Variants in DUSP10 observed in about 807,000 individuals in gnomAD.
The protein encoded by DUSP10 is dual specificity phosphatase 10.
Under a neutral mutation model 30.8 loss-of-function variants are expected in DUSP10, and 14 were observed. The observed-to-expected ratio is 0.46, with a 90% CI of 0.30 to 0.71. DUSP10 has a LOEUF of 0.71. DUSP10 is among the 30% of genes least tolerant of loss of function. The probability of loss-of-function intolerance (pLI) is 0.08; values close to 1 mark genes in which losing one functional copy is unlikely to be tolerated. For synonymous variants in DUSP10, 254 were observed against 250.4 expected (o/e 1.01, Z -0.14); for missense variants, 550 against 619.4 (o/e 0.89, Z 1.19).
chr1:221,712,169 G>A (rs1365854185), intron 2 of DUSP10, among the ~76,000 whole-genome samples: 2 of 152,058 alleles, frequency 1.3e-5, no homozygotes, highest in Non-Finnish European at 2.9e-5. Context: ...GTATTTTCAA[G>A]TTCAAGATGA....
intron 2 of DUSP10, chr1:221,737,171 T>A (rs1471923375): frequency 1.0e-6 from 1 of 985,292 alleles, no homozygotes; most frequent in Non-Finnish European, 1.2e-6. Context: ...CTTGTAATCA[T>A]CCCCATGATT....
At chr1:221,741,023 C>A (rs1012379569) in intron 1 of DUSP10, among the ~76,000 whole-genome samples, 1 of 152,078 alleles carries the variant, frequency 6.6e-6, no homozygotes, top group African/African-American at 2.4e-5. Flanking sequence ...TACACACGAC[C>A]GTCACCATTC....
intron 2 of DUSP10, among the ~76,000 whole-genome samples, chr1:221,732,549 G>A (rs1661646015): frequency 6.6e-6 from 1 of 152,164 alleles, no homozygotes; most frequent in Non-Finnish European, 1.5e-5. Flanking sequence ...AGATTCTGTT[G>A]TTATTAAATA....
At chr1:221,733,281 G>A (rs1033859641) in intron 2 of DUSP10, among the ~76,000 whole-genome samples, 1 of 152,236 alleles carries the variant, frequency 6.6e-6, no homozygotes, top group African/African-American at 2.4e-5. Context: ...GTAGAAAAGT[G>A]TACATATTCA....
chr1:221,703,218 T>C (rs1251499300), intron 3 of DUSP10, among the ~76,000 whole-genome samples: 1 of 149,394 alleles, frequency 6.7e-6, no homozygotes, highest in Non-Finnish European at 1.5e-5. Flanking sequence ...TGTGTGTGTG[T>C]GTATATATAT....
At chr1:221,718,078 T>A (rs1052707903) in intron 2 of DUSP10, among the ~76,000 whole-genome samples, 1 of 118,372 alleles carries the variant, frequency 8.4e-6, no homozygotes, top group South Asian at 2.9e-4. Context: ...CCAAAAATGG[T>A]CCAAGGTCAG....
intron 2 of DUSP10, among the ~76,000 whole-genome samples, chr1:221,719,441 C>T (rs984858541): frequency 5.9e-5 from 9 of 151,982 alleles, no homozygotes; most frequent in Non-Finnish European, 1.3e-4. Flanking sequence ...GGTCTCCATG[C>T]ACTAAGAGAC....
chr1:221,732,017 A>G (rs1248313796), intron 2 of DUSP10, among the ~76,000 whole-genome samples: 2 of 152,368 alleles, frequency 1.3e-5, no homozygotes, highest in African/African-American at 2.4e-5. Context: ...GTGGCAGAAG[A>G]AGATGAAGAA....
Position 221,713,726 on chromosome 1 carries a change from T to C in DUSP10, c.812-7260A>G, listed in dbSNP as rs75457469. Among the ~76,000 whole-genome samples, 601 of 152,324 alleles carry C rather than the reference T, an allele frequency of 3.9e-3. 13 individuals are homozygous for C. In the East Asian group the frequency reaches 0.057, roughly 14 times the overall value. On this transcript the variant is annotated intron_variant, in intron 2 of 3. Transcript: ENST00000366899. ...TGTATATCCAGATTAAGAGCTTTAA[T>C]AGAATTTAGGTCCTTGGAGAGCAGG...
Position 221,706,161 on chromosome 1 carries a change from G to A in DUSP10, c.1117C>T (p.Leu373=), listed in dbSNP as rs114922640. Residue 373 remains leucine (L), a synonymous_variant, in exon 3 of 4, where the codon CTG becomes TTG. Transcript: ENST00000366899. This position sits in a 1 kb window ranked among gnomAD's most constrained non-coding sequence, Gnocchi z 4.6. ...YEKGLFNYKR[L]PATDSNKQNL... ...TGCTTGTTGCTGTCAGTGGCTGGCAGCCGCTTGTAGTTGAACAGGCCTTTC... is the reference window on the plus strand; with the variant it reads ...TGCTTGTTGCTGTCAGTGGCTGGCAACCGCTTGTAGTTGAACAGGCCTTTC... The A allele has an allele frequency of 2.0e-4, 316 of 1,614,126 alleles. 2 individuals carry two copies. The East Asian group carries it at 4.9e-3, about 25-fold the overall frequency.
chr1:221,705,462 A>G (rs1355142220), intron 3 of DUSP10, among the ~76,000 whole-genome samples: 4 of 152,178 alleles, frequency 2.6e-5, no homozygotes, highest in African/African-American at 9.7e-5. Flanking sequence ...AGAAATTAAG[A>G]TTAGGATTAG....
chr1:221,720,440 T>C (rs1255255886), intron 2 of DUSP10, among the ~76,000 whole-genome samples: 3 of 152,222 alleles, frequency 2.0e-5, no homozygotes, highest in Non-Finnish European at 4.4e-5. Flanking sequence ...TTCTTTGTAA[T>C]ATCTTTTATA....
At chr1:221,718,168 A>G (rs946899414) in intron 2 of DUSP10, among the ~76,000 whole-genome samples, 1 of 151,940 alleles carries the variant, frequency 6.6e-6, no homozygotes, top group Non-Finnish European at 1.5e-5. Context: ...GCATGCCTAT[A>G]AAAGGCAAGC....
At chr1:221,726,186 GA>G (rs1045250506) in intron 2 of DUSP10, among the ~76,000 whole-genome samples, 9 of 152,252 alleles carry the variant, frequency 5.9e-5, no homozygotes, top group Admixed American at 5.9e-4. Context: ...GAATTGGGGG[GA>G]AAAATAAACT....
Position 221,702,233 on chromosome 1 carries a change from G to T in DUSP10, c.*179C>A. The T allele has an allele frequency of 1.5e-6, 1 of 650,626 alleles. No homozygotes were observed. Among genetic ancestry groups the T allele is most frequent in the Non-Finnish European group, 2.5e-6 (1 of 400,000 alleles). 40.3% of individuals were successfully genotyped at this position (650,626 alleles called of 1,614,324 possible). ...AGTTTGTGGGAGGTGAATCTCAATG[G>T]CATCAAAAGTTATAGTCTTCTTACA... On this transcript the variant is annotated 3_prime_UTR_variant, in exon 4 of 4. Coordinates refer to ENST00000366899, the MANE Select transcript of DUSP10 (RefSeq NM_007207.6). This position sits in a 1 kb window ranked among gnomAD's most constrained non-coding sequence, Gnocchi z 4.5.
At chr1:221,734,771 A>G (rs1661713033) in intron 2 of DUSP10, among the ~76,000 whole-genome samples, 2 of 152,208 alleles carry the variant, frequency 1.3e-5, no homozygotes, top group South Asian at 4.1e-4. Context: ...CTAATGTTTG[A>G]CATTTTAGCC....
intron 1 of DUSP10, 107 bp from the exon 2 acceptor site, chr1:221,739,894 C>T: frequency 8.6e-7 from 1 of 1,165,206 alleles, no homozygotes; most frequent in Non-Finnish European, 1.1e-6. Context: ...GCAAAGTCGT[C>T]CTAATTGCCC....
chr1:221,732,113 A>G (rs990295819), intron 2 of DUSP10, among the ~76,000 whole-genome samples: 4 of 152,216 alleles, frequency 2.6e-5, no homozygotes, highest in Admixed American at 2.6e-4. Flanking sequence ...CATTTGAATG[A>G]TAAGCATTGT....
intron 2 of DUSP10, among the ~76,000 whole-genome samples, chr1:221,733,345 G>A (rs10779455): frequency 0.16 from 24,565 of 152,150 alleles, 2,247 homozygotes; most frequent in African/African-American, 0.25. Context: ...ACAGAAATAG[G>A]CAAAGTGCTT....
Sources: allele counts gnomAD v4.1 joint callset (sites outside exome capture counted in the v4.1 genomes callset), GRCh38; gene constraint gnomAD v4.1.1; non-coding constraint Gnocchi (gnomAD v3.1); transcripts MANE v1.5; gene names NCBI Gene and HGNC (gene_info 2026-07-23, HGNC 2026-07-21).